The following PAN3 variants were observed in gnomAD, a reference collection of about 807,000 sequenced individuals.
PAN3 encodes PAN2-PAN3 deadenylation complex subunit PAN3.
PAN3 carries 19 observed loss-of-function variants against 96.2 expected under a neutral mutation model. The ratio of observed to expected loss-of-function variants is 0.20; its 90% CI spans 0.14 to 0.29. PAN3 has a LOEUF of 0.29. Among genes scored for constraint, PAN3 ranks in the 10% least tolerant of loss-of-function variants. The pLI is 1.00. For synonymous variants in PAN3, 433 were observed against 406.6 expected, an observed-to-expected ratio of 1.06 and a Z score of -0.78; for missense variants, 882 against 1,108.1, an observed-to-expected ratio of 0.80 and a Z score of 2.90.
At chr13:28,204,860 ATTGTT>A (rs1360555232) in intron 5 of PAN3, among the ~76,000 whole-genome samples, 1 of 152,182 alleles carries the variant, frequency 6.6e-6, no homozygotes, top group African/African-American at 2.4e-5. Context: ...TAATATTACT[ATTGTT>A]TTAGTGAAGT....
chr13:28,188,279 A>T (rs1437648113), intron 4 of PAN3, among the ~76,000 whole-genome samples: 1 of 152,148 alleles, frequency 6.6e-6, no homozygotes, highest in Non-Finnish European at 1.5e-5. Context: ...CTGACTCCTA[A>T]TGAGCTTCTT....
chr13:28,160,266 CTA>C (rs1420488141), intron 1 of PAN3, among the ~76,000 whole-genome samples: 1 of 152,082 alleles, frequency 6.6e-6, no homozygotes, highest in African/African-American at 2.4e-5. Flanking sequence ...GAAAAGATAA[CTA>C]TAGTAGGCTT....
chr13:28,263,395 T>A (rs1174020291), intron 9 of PAN3, among the ~76,000 whole-genome samples: 1 of 152,266 alleles, frequency 6.6e-6, no homozygotes, highest in Non-Finnish European at 1.5e-5. Context: ...TACAGTGGCG[T>A]GATCGCAGCT....
At chr13:28,238,591 GGATA>G (rs1003404386) in intron 6 of PAN3, among the ~76,000 whole-genome samples, 4 of 152,038 alleles carry the variant, frequency 2.6e-5, no homozygotes, top group African/African-American at 9.7e-5. Flanking sequence ...ATTTTAATTA[GGATA>G]GATTTTCATT....
chr13:28,185,559 C>A (rs541156846), intron 4 of PAN3, among the ~76,000 whole-genome samples: 87 of 151,842 alleles, frequency 5.7e-4, no homozygotes, highest in Non-Finnish European at 9.6e-4. Flanking sequence ...GAATTTTGTT[C>A]TGTTGATTGA....
intron 6 of PAN3, among the ~76,000 whole-genome samples, chr13:28,235,886 A>AT (rs553429429): frequency 0.019 from 2,691 of 140,826 alleles, 37 homozygotes; most frequent in South Asian, 0.067. Context: ...TGATTTTTAA[A>AT]TTTTTTTTTT....
At chr13:28,152,972 T>G (rs536007657) in intron 1 of PAN3, among the ~76,000 whole-genome samples, 2 of 152,258 alleles carry the variant, frequency 1.3e-5, no homozygotes, top group South Asian at 4.1e-4. Flanking sequence ...TCATTAAAAT[T>G]TAAGATGTCC....
intron 6 of PAN3, among the ~76,000 whole-genome samples, chr13:28,249,029 C>T (rs144222510): frequency 6.6e-6 from 1 of 152,032 alleles, no homozygotes; most frequent in African/African-American, 2.4e-5. Flanking sequence ...TTGTGAGTTG[C>T]CTATTCACTT....
chr13:28,253,137 G>T (rs1168573561), intron 6 of PAN3, among the ~76,000 whole-genome samples: 1 of 152,130 alleles, frequency 6.6e-6, no homozygotes, highest in African/African-American at 2.4e-5. Flanking sequence ...GATTCCTGTG[G>T]TTAAACATTA....
At chr13:28,157,736 C>T (rs971359255) in intron 1 of PAN3, among the ~76,000 whole-genome samples, 3 of 152,180 alleles carry the variant, frequency 2.0e-5, no homozygotes, top group African/African-American at 4.8e-5. Flanking sequence ...ATTCGATGCT[C>T]ATGGATAGGA....
intron 18 of PAN3, among the ~76,000 whole-genome samples, chr13:28,292,175 G>T (rs1253314765): frequency 2.6e-5 from 4 of 152,152 alleles, no homozygotes; most frequent in African/African-American, 9.7e-5. Flanking sequence ...TAAGCGTGAA[G>T]GGATAGAAAC....
At chr13:28,189,255 C>T (rs923526412) in intron 4 of PAN3, among the ~76,000 whole-genome samples, 9 of 152,240 alleles carry the variant, frequency 5.9e-5, no homozygotes, top group African/African-American at 1.4e-4. Flanking sequence ...TGGTGGCTCA[C>T]GCCTGTAATC....
At chr13:28,173,142 A>T (rs570189056) in intron 1 of PAN3, among the ~76,000 whole-genome samples, 6 of 152,336 alleles carry the variant, frequency 3.9e-5, no homozygotes, top group African/African-American at 1.2e-4. Context: ...GTTAATTTAT[A>T]GCTACTTACG....
intron 4 of PAN3, among the ~76,000 whole-genome samples, chr13:28,193,138 G>C (rs991914268): frequency 3.9e-5 from 6 of 152,124 alleles, no homozygotes; most frequent in Non-Finnish European, 2.9e-5. Context: ...ATTCTTGTTG[G>C]GCCACATTCA....
intron 4 of PAN3, among the ~76,000 whole-genome samples, chr13:28,186,030 C>A (rs1214361781): frequency 1.3e-5 from 2 of 152,178 alleles, no homozygotes; most frequent in East Asian, 3.9e-4. Context: ...TTAAATGTAA[C>A]CAAAACCGTG....
At chr13:28,222,941 G>T (rs1019959172) in intron 6 of PAN3, among the ~76,000 whole-genome samples, 3 of 152,050 alleles carry the variant, frequency 2.0e-5, no homozygotes, top group Non-Finnish European at 4.4e-5. Flanking sequence ...ATTACGTATG[G>T]GAAAGTACAT....
chr13:28,167,476 A>G (rs1438632003), intron 1 of PAN3, among the ~76,000 whole-genome samples: 1 of 151,920 alleles, frequency 6.6e-6, no homozygotes, highest in East Asian at 1.9e-4. Context: ...CCCATTTTTA[A>G]TCTTTACAAC....
intron 1 of PAN3, among the ~76,000 whole-genome samples, chr13:28,142,534 A>G (rs1350089502): frequency 9.9e-6 from 1 of 101,410 alleles, no homozygotes; most frequent in Non-Finnish European, 1.8e-5. Flanking sequence ...TTTTTTTGAG[A>G]CAGGGACCAC....
chr13:28,289,932 AAAG>A (rs910755402), intron 18 of PAN3, among the ~76,000 whole-genome samples: 1 of 152,214 alleles, frequency 6.6e-6, no homozygotes, highest in African/African-American at 2.4e-5. Flanking sequence ...CAGAGAAAAG[AAAG>A]AAGACAGTTC....
Sources: gnomAD v4.1 joint callset for allele counts (sites outside exome capture counted in the v4.1 genomes callset) on GRCh38, gnomAD v4.1.1 for gene constraint, MANE v1.5 for transcripts, NCBI Gene and HGNC (gene_info 2026-07-23, HGNC 2026-07-21) for gene names.